Variants in DCC observed in about 807,000 individuals in gnomAD.
The protein encoded by DCC is netrin receptor DCC.
DCC carries 58 observed loss-of-function variants against 172.5 expected under a neutral mutation model. The observed-to-expected ratio is 0.34, with a 90% CI of 0.27 to 0.42. The LOEUF (loss-of-function observed/expected upper bound fraction) is 0.42. Among genes scored for constraint, DCC ranks in the 10% least tolerant of loss-of-function variants. The probability of loss-of-function intolerance (pLI) is 1.00; values close to 1 mark genes in which losing one functional copy is unlikely to be tolerated. For missense variants in DCC, 1,740 were observed against 1,791.0 expected, an observed-to-expected ratio of 0.97 and a Z score of 0.51; for synonymous variants, 709 against 644.5, an observed-to-expected ratio of 1.10 and a Z score of -1.52.
At chr18:53,161,473 C>G (rs1215998897) in intron 8 of DCC, among the ~76,000 whole-genome samples, 2 of 152,170 alleles carry the variant, frequency 1.3e-5, no homozygotes, top group South Asian at 4.1e-4. Context: ...AGGACTCAAG[C>G]CTTTCATTCA....
chr18:52,735,685 G>A (rs2036716849), intron 1 of DCC, among the ~76,000 whole-genome samples: 1 of 152,070 alleles, frequency 6.6e-6, no homozygotes, highest in Non-Finnish European at 1.5e-5. Flanking sequence ...ATCCAGCATG[G>A]GAGAAGGATG....
intron 1 of DCC, among the ~76,000 whole-genome samples, chr18:52,471,565 A>T (rs1209730728): frequency 1.3e-5 from 2 of 152,236 alleles, no homozygotes; most frequent in Non-Finnish European, 2.9e-5. Flanking sequence ...AACTTATTTC[A>T]GCAGCACCTA....
At chr18:52,724,117 G>T (rs1195468461) in intron 1 of DCC, among the ~76,000 whole-genome samples, 1 of 152,004 alleles carries the variant, frequency 6.6e-6, no homozygotes, top group Non-Finnish European at 1.5e-5. Context: ...ACCTTTCATG[G>T]ATCCTGTTCT....
At chr18:52,955,099 G>A (rs912637394) in intron 5 of DCC, among the ~76,000 whole-genome samples, 1 of 152,068 alleles carries the variant, frequency 6.6e-6, no homozygotes, top group African/African-American at 2.4e-5. Flanking sequence ...TTTCACCCTT[G>A]GTGTTGTACA....
At chr18:52,730,361 T>C (rs988898029) in intron 1 of DCC, among the ~76,000 whole-genome samples, 5 of 152,138 alleles carry the variant, frequency 3.3e-5, no homozygotes, top group African/African-American at 9.7e-5. Flanking sequence ...AGTGCCACCA[T>C]TGAGAAACCA....
chr18:52,871,684 G>A (rs1446578181), intron 2 of DCC, among the ~76,000 whole-genome samples: 4 of 151,950 alleles, frequency 2.6e-5, no homozygotes, highest in Non-Finnish European at 5.9e-5. Flanking sequence ...TAAACTCCTG[G>A]GCTCAAGCAG....
chr18:53,133,899 T>C (rs1056625029), intron 7 of DCC, among the ~76,000 whole-genome samples: 1 of 152,174 alleles, frequency 6.6e-6, no homozygotes, highest in African/African-American at 2.4e-5. Flanking sequence ...ATTCAGAGTT[T>C]AGATGTTGGA....
intron 5 of DCC, among the ~76,000 whole-genome samples, chr18:53,035,373 G>T (rs2042079338): frequency 6.6e-6 from 1 of 152,104 alleles, no homozygotes; most frequent in African/African-American, 2.4e-5. Context: ...GCCTAAAACA[G>T]TGCTGAAAGC....
chr18:52,826,591 C>T (rs1012109419), intron 2 of DCC, among the ~76,000 whole-genome samples: 6 of 152,090 alleles, frequency 3.9e-5, no homozygotes, highest in East Asian at 1.9e-4. Context: ...AGCAACTCTC[C>T]GGCCTCAGCT....
At chr18:53,451,382 G>T (rs2045410523) in intron 23 of DCC, among the ~76,000 whole-genome samples, 2 of 152,150 alleles carry the variant, frequency 1.3e-5, no homozygotes, top group Admixed American at 1.3e-4. Flanking sequence ...CCTGTAACTG[G>T]CCAGTTAGTC....
chr18:53,374,891 C>T (rs1244592469), intron 15 of DCC, among the ~76,000 whole-genome samples: 1 of 152,142 alleles, frequency 6.6e-6, no homozygotes, highest in Non-Finnish European at 1.5e-5. Flanking sequence ...ATGGTAAAGC[C>T]TCCAGATTAT....
intron 7 of DCC, among the ~76,000 whole-genome samples, chr18:53,137,890 A>G (rs2043769497): frequency 6.6e-6 from 1 of 151,982 alleles, no homozygotes; most frequent in Admixed American, 6.6e-5. Flanking sequence ...ATCATGGCTC[A>G]CTGCAGTTGC....
chr18:52,417,095 T>C (rs1424625060), intron 1 of DCC, among the ~76,000 whole-genome samples: 3 of 152,186 alleles, frequency 2.0e-5, no homozygotes, highest in Non-Finnish European at 2.9e-5. Flanking sequence ...CAACATTTGC[T>C]TATCTGTAAA....
At chr18:53,097,103 G>T (rs374829408) in intron 7 of DCC, among the ~76,000 whole-genome samples, 1 of 152,136 alleles carries the variant, frequency 6.6e-6, no homozygotes, top group East Asian at 1.9e-4. Context: ...ACAAAAAGTT[G>T]TATTACTGTG....
intron 1 of DCC, among the ~76,000 whole-genome samples, chr18:52,412,587 C>A (rs1220493281): frequency 1.3e-5 from 2 of 151,986 alleles, no homozygotes; most frequent in African/African-American, 4.8e-5. Context: ...GAACTGATAA[C>A]TGTGATCAGT....
intron 7 of DCC, among the ~76,000 whole-genome samples, chr18:53,090,650 C>T (rs1206891797): frequency 1.6e-5 from 2 of 128,806 alleles, no homozygotes; most frequent in East Asian, 4.4e-4. Flanking sequence ...GCCGAGATCA[C>T]ACCACTGCAC....
chr18:52,633,926 TTGTC>T (rs1172829836), intron 1 of DCC, among the ~76,000 whole-genome samples: 3 of 152,334 alleles, frequency 2.0e-5, no homozygotes, highest in Admixed American at 2.0e-4. Context: ...TCAGGAGGAA[TTGTC>T]TGTGAAAGGA....
intron 7 of DCC, among the ~76,000 whole-genome samples, chr18:53,093,692 G>C (rs995129147): frequency 3.9e-5 from 6 of 152,194 alleles, no homozygotes; most frequent in Non-Finnish European, 8.8e-5. Context: ...TATGGCACAT[G>C]TAAATACATC....
At chr18:52,477,646 G>C (rs1274951211) in intron 1 of DCC, among the ~76,000 whole-genome samples, 1 of 152,012 alleles carries the variant, frequency 6.6e-6, no homozygotes, top group African/African-American at 2.4e-5. Context: ...CAGAACACTC[G>C]CCCAACACCC....
Sources: allele counts gnomAD v4.1 joint callset (sites outside exome capture counted in the v4.1 genomes callset), GRCh38; gene constraint gnomAD v4.1.1; transcripts MANE v1.5; gene names NCBI Gene and HGNC (gene_info 2026-07-23, HGNC 2026-07-21).